FHIP1A: variants seen among roughly 807,000 people sequenced by gnomAD.
FHIP1A encodes the protein FHF complex subunit HOOK interacting protein 1A.
A neutral mutation model predicts 88.6 loss-of-function variants in FHIP1A; 61 were observed. That is an observed-to-expected ratio of 0.69 (90% confidence interval 0.56 to 0.85). FHIP1A has a LOEUF of 0.85. FHIP1A is among the 40% of genes least tolerant of loss of function. FHIP1A has a pLI of 0.00. For synonymous variants in FHIP1A, 478 were observed against 496.0 expected (o/e 0.96, Z 0.48); for missense variants, 1,154 against 1,273.5 (o/e 0.91, Z 1.43).
chr4:151,501,317 A>T (rs1251246663), intron 3 of FHIP1A, among the ~76,000 whole-genome samples: 1 of 152,116 alleles, frequency 6.6e-6, no homozygotes, highest in African/African-American at 2.4e-5. Flanking sequence ...TGGTAATTCT[A>T]TATTTAGCTT....
intron 1 of FHIP1A, among the ~76,000 whole-genome samples, chr4:151,454,314 C>T (rs1033658613): frequency 1.3e-5 from 2 of 152,146 alleles, no homozygotes; most frequent in African/African-American, 4.8e-5. Context: ...GTGTGAAAGA[C>T]AGGCAGCCAT....
intron 2 of FHIP1A, among the ~76,000 whole-genome samples, chr4:151,480,661 T>C (rs1729860572): frequency 6.6e-6 from 1 of 152,066 alleles, no homozygotes; most frequent in Non-Finnish European, 1.5e-5. Context: ...AATGATTAAT[T>C]GATTAGACTG....
intron 1 of FHIP1A, among the ~76,000 whole-genome samples, chr4:151,423,777 G>T (rs1371719686): frequency 6.6e-6 from 1 of 152,168 alleles, no homozygotes; most frequent in East Asian, 1.9e-4. Context: ...GCCACAAAAG[G>T]TAGTGACAAA....
chr4:151,610,178 T>A (rs1735268574), intron 7 of FHIP1A, among the ~76,000 whole-genome samples: 1 of 152,240 alleles, frequency 6.6e-6, no homozygotes, highest in Non-Finnish European at 1.5e-5. Flanking sequence ...ATAATAATAA[T>A]GCTTTACCTT....
chr4:151,446,581 CTT>C (rs35115788), intron 1 of FHIP1A, among the ~76,000 whole-genome samples: 50,630 of 109,720 alleles, frequency 0.46, 10,121 homozygotes, highest in Non-Finnish European at 0.53. Flanking sequence ...TGTTCTTTTT[CTT>C]TTTTTTTTTT....
intron 9 of FHIP1A, among the ~76,000 whole-genome samples, chr4:151,640,158 C>T (rs903122526): frequency 5.9e-5 from 9 of 152,230 alleles, no homozygotes; most frequent in East Asian, 1.9e-4. Context: ...TAACAAATTC[C>T]GGGGGATTCT....
chr4:151,482,693 G>A (rs1214746722), intron 3 of FHIP1A, 45 bp downstream of exon 3: 1 of 151,118 alleles, frequency 6.6e-6, no homozygotes, highest in Admixed American at 6.6e-5. Context: ...GTTCAGTAAT[G>A]CTCAATAATA....
chr4:151,641,894 G>C (rs1736600395), intron 9 of FHIP1A, among the ~76,000 whole-genome samples: 1 of 152,194 alleles, frequency 6.6e-6, no homozygotes, highest in African/African-American at 2.4e-5. Context: ...AGATCTGAGA[G>C]GCAGTAGAGC....
chr4:151,410,673 T>A (rs1405556011), intron 1 of FHIP1A, among the ~76,000 whole-genome samples: 1 of 152,200 alleles, frequency 6.6e-6, no homozygotes, highest in Non-Finnish European at 1.5e-5. Context: ...CCACATGTAG[T>A]GAACCACAGC....
Position 151,662,783 on chromosome 4 carries a change from T to G in FHIP1A, c.*29T>G, listed in dbSNP as rs1486207377. The G allele has an allele frequency of 6.9e-6, 10 of 1,450,286 alleles. No individual in the cohort carries two copies. Among genetic ancestry groups the G allele is most frequent in the Non-Finnish European group, 9.1e-6 (10 of 1,100,296 alleles). The allele number at this position is 1,450,286 out of a possible 1,614,324, so 89.8% of individuals were successfully genotyped here. ...TTTTTTTTTTTTTTAATAGAGGTTC[T>G]TGTTTTGTAAGGTTTTAGTGTCTTG... On this transcript the variant is annotated 3_prime_UTR_variant, in exon 14 of 14. Coordinates refer to ENST00000435205, the MANE Select transcript of FHIP1A (RefSeq NM_001109977.3).
intron 2 of FHIP1A, among the ~76,000 whole-genome samples, chr4:151,470,298 G>A (rs929855531): frequency 1.3e-5 from 2 of 152,218 alleles, no homozygotes; most frequent in Non-Finnish European, 2.9e-5. Context: ...TCAATAAACA[G>A]ATGCTGTGTG....
chr4:151,446,686 A>G (rs997206841), intron 1 of FHIP1A, among the ~76,000 whole-genome samples: 6 of 144,668 alleles, frequency 4.1e-5, no homozygotes, highest in South Asian at 2.1e-4. Context: ...TTCCTAATCT[A>G]TTACCTCTGT....
intron 1 of FHIP1A, among the ~76,000 whole-genome samples, chr4:151,426,553 A>G (rs1733382370): frequency 6.6e-6 from 1 of 152,156 alleles, no homozygotes; most frequent in African/African-American, 2.4e-5. Flanking sequence ...TTACTGAACT[A>G]TTGGTGAATG....
intron 3 of FHIP1A, among the ~76,000 whole-genome samples, chr4:151,559,495 A>G (rs1733087242): frequency 6.6e-6 from 1 of 152,184 alleles, no homozygotes; most frequent in African/African-American, 2.4e-5. Context: ...TGCATCTACA[A>G]TCATATGGGC....
Position 151,667,281 on chromosome 4 carries a change from A to G in FHIP1A, c.*4527A>G, listed in dbSNP as rs1346879572. 6.6e-6 allele frequency: 1 copy of G among 152,190 alleles called. No homozygotes were observed. The highest frequency in any genetic ancestry group is 2.4e-5 in the African/African-American group (1 of 41,442). The allele number at this position is 152,190 out of a possible 1,614,324, so 9.4% of individuals were successfully genotyped here. A position where few individuals can be genotyped will look rare whatever the true frequency, so the allele number is the denominator to read the frequency against. Reference sequence around the variant, plus strand: ...TCAGTCTATAAATAACACAACACTAATTTTCCATCAAGTAACAGCTTAAAA... The same window carrying G: ...TCAGTCTATAAATAACACAACACTAGTTTTCCATCAAGTAACAGCTTAAAA... On this transcript the variant is annotated 3_prime_UTR_variant, in exon 14 of 14. Transcript: ENST00000435205.
At chr4:151,562,439 C>T (rs557851966) in intron 3 of FHIP1A, among the ~76,000 whole-genome samples, 1 of 152,248 alleles carries the variant, frequency 6.6e-6, no homozygotes, top group African/African-American at 2.4e-5. Context: ...TCCTTTTGCT[C>T]CATCAAAAAT....
Position 151,656,759 on chromosome 4 carries a change from G to A in FHIP1A, c.2731-1G>A. ...AACATCAGTAATGCTGTTTTTGACA[G>A]GTCCTTGCATCTGTGAAAAACAAGA... On this transcript the variant is annotated splice_acceptor_variant, in intron 12 of 13. Transcript: ENST00000435205. LOFTEE classifies it high-confidence loss of function. This position sits in a 1 kb window ranked among gnomAD's most constrained non-coding sequence, Gnocchi z 4.2. 6.5e-7 allele frequency: 1 copy of A among 1,549,968 alleles called. No homozygotes were observed. Among genetic ancestry groups the A allele is most frequent in the Non-Finnish European group, 8.7e-7 (1 of 1,146,400 alleles).
intron 1 of FHIP1A, among the ~76,000 whole-genome samples, chr4:151,422,224 A>AAAT (rs1554076378): frequency 1.3e-5 from 2 of 150,136 alleles, no homozygotes; most frequent in East Asian, 3.9e-4. Flanking sequence ...ACATTAAAAA[A>AAAT]ATATATATAT....
intron 7 of FHIP1A, among the ~76,000 whole-genome samples, chr4:151,596,099 G>C (rs1334750062): frequency 2.0e-5 from 3 of 152,198 alleles, no homozygotes; most frequent in African/African-American, 7.2e-5. Context: ...CCCATTAGTT[G>C]ATGCAGTTTC....
Sources: gnomAD v4.1 joint callset for allele counts (sites outside exome capture counted in the v4.1 genomes callset) on GRCh38, gnomAD v4.1.1 for gene constraint, Gnocchi (gnomAD v3.1) non-coding constraint, MANE v1.5 for transcripts, NCBI Gene and HGNC (gene_info 2026-07-23, HGNC 2026-07-21) for gene names.